The following ABHD2 variants were observed in gnomAD, a reference collection of about 807,000 sequenced individuals.
ABHD2 encodes monoacylglycerol lipase ABHD2.
Under a neutral mutation model 48.1 loss-of-function variants are expected in ABHD2, and 20 were observed. That is an observed-to-expected ratio of 0.42 (90% CI 0.29 to 0.60). The LOEUF (loss-of-function observed/expected upper bound fraction) is 0.60. Among genes scored for constraint, ABHD2 ranks in the 20% least tolerant of loss-of-function variants. The pLI, the probability that ABHD2 is intolerant of heterozygous loss-of-function variation, is 0.24. For synonymous variants in ABHD2, 209 were observed against 214.2 expected (o/e 0.98, Z 0.21); for missense variants, 405 against 550.9 (o/e 0.74, Z 2.65).
At chr15:89,043,646 G>C in the ABHD2 span, among the ~76,000 whole-genome samples, 1 of 137,028 alleles carries the variant, frequency 7.3e-6, no homozygotes, top group Admixed American at 7.3e-5. Context: ...GGAGGAGGAA[G>C]GAGAAGGAGG....
At chr15:89,043,688 GGAGGAGGAGGA>G in the ABHD2 span, among the ~76,000 whole-genome samples, 5 of 132,956 alleles carry the variant, frequency 3.8e-5, no homozygotes, top group Non-Finnish European at 8.2e-5. Context: ...AGGAGGAGGG[GGAGGAGGAGGA>G]GAGGAGGAGG....
chr15:89,147,212 A>G (rs1046660473), intron 3 of ABHD2, among the ~76,000 whole-genome samples: 3 of 152,208 alleles, frequency 2.0e-5, no homozygotes, highest in Non-Finnish European at 4.4e-5. Context: ...CTAGTCTGTC[A>G]GAAAAAAATG....
intron 5 of ABHD2, among the ~76,000 whole-genome samples, chr15:89,162,663 T>G (rs1319070236): frequency 6.6e-6 from 1 of 152,152 alleles, no homozygotes; most frequent in East Asian, 1.9e-4. Context: ...AGAGAGCCCT[T>G]CCTTGACTCC....
At chr15:89,081,399 C>T in the ABHD2 span, among the ~76,000 whole-genome samples, 2 of 151,984 alleles carry the variant, frequency 1.3e-5, no homozygotes, top group African/African-American at 2.4e-5. Context: ...CATCAATGGA[C>T]ATTTGGGTTG....
intron 1 of ABHD2, among the ~76,000 whole-genome samples, chr15:89,109,818 C>A (rs2049844992): frequency 6.6e-6 from 1 of 152,204 alleles, no homozygotes; most frequent in Non-Finnish European, 1.5e-5. Context: ...CTCATACTTA[C>A]ACATGCTTCT....
chr15:89,060,243 A>G, the ABHD2 span, among the ~76,000 whole-genome samples: 1 of 151,436 alleles, frequency 6.6e-6, no homozygotes, highest in Non-Finnish European at 1.5e-5. Context: ...GGCACCCACA[A>G]CCATGCCCGG....
chr15:89,147,123 A>G (rs1448710218), intron 3 of ABHD2, among the ~76,000 whole-genome samples: 1 of 152,214 alleles, frequency 6.6e-6, no homozygotes, highest in Non-Finnish European at 1.5e-5. Flanking sequence ...TAAATATTTA[A>G]TTGAGAACTT....
At chr15:89,156,115 CTTTTTTTTTTT>C (rs1185978751) in intron 5 of ABHD2, among the ~76,000 whole-genome samples, 1 of 85,660 alleles carries the variant, frequency 1.2e-5, no homozygotes. Context: ...TTTTTATTGT[CTTTTTTTTTTT>C]TTTTTTTTTT....
chr15:89,142,650 C>T (rs1010380631), intron 3 of ABHD2, among the ~76,000 whole-genome samples: 6 of 152,176 alleles, frequency 3.9e-5, no homozygotes, highest in Admixed American at 1.3e-4. Flanking sequence ...TCAGAGGACC[C>T]CCACGGAGCT....
rs918699159 is a variant in ABHD2 at position 89,189,074 on chromosome 15, G to C, written c.926+771G>C. 1.3e-5 allele frequency among the ~76,000 whole-genome samples: 2 copies of C among 152,198 alleles called. No individual in the cohort carries two copies. The highest frequency in any genetic ancestry group is 2.9e-5 in the Non-Finnish European group (2 of 68,024). On this transcript the variant is annotated intron_variant, in intron 8 of 10. Transcript: ENST00000352732. This position sits in a 1 kb window ranked among gnomAD's most constrained non-coding sequence, Gnocchi z 4.9. Reference sequence around the variant, plus strand: ...TCCAGGCACCTGAGGTTGCAGCCTTGACAGTGGCCTCTTTCCTGGTTCCAG... The same window carrying C: ...TCCAGGCACCTGAGGTTGCAGCCTTCACAGTGGCCTCTTTCCTGGTTCCAG...
rs776479738 is a variant in ABHD2 at position 89,106,757 on chromosome 15, G to T, written c.-106-6968G>T. On this transcript the variant is annotated intron_variant, in intron 1 of 10. Coordinates refer to ENST00000352732, the MANE Select transcript of ABHD2 (RefSeq NM_152924.5). This position sits in a 1 kb window ranked among gnomAD's most constrained non-coding sequence, Gnocchi z 4.2. ...GGGTGTCATGTTGCCCACATTTAAG[G>T]TTGACCACTTTTATCTGGTGTAGCA... Among the ~76,000 whole-genome samples the T allele has an allele frequency of 6.6e-6, 1 of 152,170 alleles. No homozygotes were observed. Among genetic ancestry groups the T allele is most frequent in the Non-Finnish European group, 1.5e-5 (1 of 68,038 alleles).
intron 1 of ABHD2, among the ~76,000 whole-genome samples, chr15:89,089,076 C>G (rs1268096229): frequency 2.0e-5 from 3 of 152,230 alleles, no homozygotes; most frequent in Non-Finnish European, 4.4e-5. Context: ...GCACATTTAC[C>G]GAGTTCGGCC....
At position 89,184,410 on chromosome 15, in the gene ABHD2, G is replaced by A. The variant is rs2238319; in HGVS notation, c.723-1014G>A. On this transcript the variant is annotated intron_variant, in intron 6 of 10. Coordinates refer to ENST00000352732, the MANE Select transcript of ABHD2 (RefSeq NM_152924.5). This position sits in a 1 kb window ranked among gnomAD's most constrained non-coding sequence, Gnocchi z 5.1. ...GATGGAACCTAGTAGAAGTAGTGACGTCCAGATCCATTCACAGGGTGGAGT... is the reference window on the plus strand; with the variant it reads ...GATGGAACCTAGTAGAAGTAGTGACATCCAGATCCATTCACAGGGTGGAGT... Among the ~76,000 whole-genome samples the A allele has an allele frequency of 0.32, 48,190 of 152,098 alleles. 8,415 individuals carry two copies. Among genetic ancestry groups the A allele is most frequent in the Non-Finnish European group, 0.4 (27,060 of 67,970 alleles).
chr15:89,154,249 C>T (rs1488406354), intron 4 of ABHD2, among the ~76,000 whole-genome samples: 2 of 152,168 alleles, frequency 1.3e-5, no homozygotes, highest in Non-Finnish European at 2.9e-5. Flanking sequence ...CTACATCCAA[C>T]AGTTTACAAA....
chr15:89,079,171 A>T, the ABHD2 span, among the ~76,000 whole-genome samples: 5 of 152,308 alleles, frequency 3.3e-5, no homozygotes, highest in South Asian at 1.0e-3. This position sits in a 1 kb window ranked among gnomAD's most constrained non-coding sequence, Gnocchi z 4.3. Context: ...TAAAATGTAG[A>T]TTTACCAAGC....
intron 4 of ABHD2, among the ~76,000 whole-genome samples, chr15:89,154,569 C>T (rs978384726): frequency 3.3e-5 from 5 of 152,298 alleles, no homozygotes; most frequent in African/African-American, 1.2e-4. Flanking sequence ...GTGTGTGATT[C>T]CAAGATAGTG....
At chr15:89,158,167 G>A (rs1295774053) in intron 5 of ABHD2, among the ~76,000 whole-genome samples, 5 of 152,156 alleles carry the variant, frequency 3.3e-5, no homozygotes, top group Admixed American at 6.5e-5. Context: ...GATGTCACAT[G>A]TAGGCACAAT....
chr15:89,084,743 C>A (rs2150759233), upstream of ABHD2, among the ~76,000 whole-genome samples: 1 of 152,338 alleles, frequency 6.6e-6, no homozygotes, highest in East Asian at 1.9e-4. The surrounding 1 kb of genome is among the most constrained non-coding windows in gnomAD (Gnocchi z 4.4). Flanking sequence ...ATAGCTGTGG[C>A]AAACATTTAT....
intron 3 of ABHD2, among the ~76,000 whole-genome samples, chr15:89,140,545 T>C (rs1300087931): frequency 6.6e-6 from 1 of 152,110 alleles, no homozygotes; most frequent in Non-Finnish European, 1.5e-5. Flanking sequence ...TACATTTAAC[T>C]TATGCAAATT....
Sources: allele counts gnomAD v4.1 joint callset (sites outside exome capture counted in the v4.1 genomes callset), GRCh38; gene constraint gnomAD v4.1.1; non-coding constraint Gnocchi (gnomAD v3.1); transcripts MANE v1.5; gene names NCBI Gene and HGNC (gene_info 2026-07-23, HGNC 2026-07-21).